Variants in TRIM44 observed in about 807,000 individuals in gnomAD.
TRIM44 encodes the protein tripartite motif-containing protein 44.
In TRIM44, 13 loss-of-function variants were observed where a neutral mutation model predicts 37.4. The ratio of observed to expected loss-of-function variants is 0.35; its 90% CI spans 0.23 to 0.55. The LOEUF (loss-of-function observed/expected upper bound fraction) is 0.55, where lower values mean the gene tolerates loss of function less well. Ranked by LOEUF, TRIM44 falls within the 20% of genes least tolerant of loss-of-function variation. The probability of loss-of-function intolerance (pLI) is 0.89; values close to 1 mark genes in which losing one functional copy is unlikely to be tolerated. For synonymous variants in TRIM44, 175 were observed against 157.2 expected (o/e 1.11, Z -0.85); for missense variants, 426 against 437.2 (o/e 0.97, Z 0.23).
chr11:35,740,119 A>G (rs868057864), intron 4 of TRIM44, among the ~76,000 whole-genome samples: 5 of 140,426 alleles, frequency 3.6e-5, no homozygotes, highest in Non-Finnish European at 7.7e-5. Context: ...AAAAAAAAAA[A>G]GGTACCTTTG....
chr11:35,754,370 T>A (rs1408477462), intron 4 of TRIM44, among the ~76,000 whole-genome samples: 1 of 152,174 alleles, frequency 6.6e-6, no homozygotes, highest in African/African-American at 2.4e-5. Context: ...CTGCTCACTC[T>A]AGTGCCCGAC....
At chr11:35,733,668 G>C (rs1016634279) in intron 3 of TRIM44, among the ~76,000 whole-genome samples, 3 of 152,066 alleles carry the variant, frequency 2.0e-5, no homozygotes, top group Non-Finnish European at 4.4e-5. Flanking sequence ...CAAATGGCTA[G>C]TTTGATTTAA....
At chr11:35,712,632 A>G (rs1851989037) in intron 2 of TRIM44, among the ~76,000 whole-genome samples, 1 of 152,126 alleles carries the variant, frequency 6.6e-6, no homozygotes, top group Admixed American at 6.5e-5. Context: ...ACACTTTGTG[A>G]TGTCTTCTTC....
intron 4 of TRIM44, among the ~76,000 whole-genome samples, chr11:35,781,406 G>C (rs957526623): frequency 3.9e-5 from 6 of 152,240 alleles, no homozygotes; most frequent in African/African-American, 1.4e-4. Context: ...CCAGAGACAA[G>C]CTGGCTTTGT....
intron 3 of TRIM44, among the ~76,000 whole-genome samples, chr11:35,728,799 C>T (rs1852217786): frequency 6.6e-6 from 1 of 152,114 alleles, no homozygotes; most frequent in South Asian, 2.1e-4. Context: ...GCCTATGTAC[C>T]TACCACCTAG....
intron 4 of TRIM44, among the ~76,000 whole-genome samples, chr11:35,782,188 C>T (rs1019155897): frequency 1.3e-5 from 2 of 152,014 alleles, no homozygotes; most frequent in African/African-American, 4.8e-5. Context: ...TGAAGTCCAG[C>T]GGGTGGGGGG....
At chr11:35,725,093 CACACACA>C (rs1852157031) in intron 2 of TRIM44, among the ~76,000 whole-genome samples, 3 of 151,866 alleles carry the variant, frequency 2.0e-5, no homozygotes, top group South Asian at 2.1e-4. Context: ...CACACACACA[CACACACA>C]CACACCCTCC....
chr11:35,772,149 G>C (rs1233917792), intron 4 of TRIM44, among the ~76,000 whole-genome samples: 1 of 152,244 alleles, frequency 6.6e-6, no homozygotes, highest in African/African-American at 2.4e-5. Context: ...TGTTGAGCCT[G>C]TGAGTGCACA....
At position 35,705,713 on chromosome 11, in the gene TRIM44, A is replaced by G. The variant is rs1307118765; in HGVS notation, c.748-20211A>G. Among the ~76,000 whole-genome samples the G allele has an allele frequency of 1.4e-5, 2 of 147,792 alleles. 1 individual carries two copies. The highest frequency in any genetic ancestry group is 3.0e-5 in the Non-Finnish European group (2 of 65,692). Reference sequence around the variant, plus strand: ...GAAATAAAGATGTTCTTTGAAACCAACGAGAACAAAGACACAACATACCAG... The same window carrying G: ...GAAATAAAGATGTTCTTTGAAACCAGCGAGAACAAAGACACAACATACCAG... On this transcript the variant is annotated intron_variant, in intron 2 of 4. Transcript: ENST00000299413.
At position 35,814,127 on chromosome 11, in the gene TRIM44, A is replaced by G. The variant is rs1853555737; in HGVS notation, c.*7742A>G. The G allele has an allele frequency of 6.6e-6, 1 of 152,248 alleles. No homozygotes were observed. The highest frequency in any genetic ancestry group is 1.5e-5 in the Non-Finnish European group (1 of 68,042). 9.4% of individuals were successfully genotyped at this position (152,248 alleles called of 1,614,324 possible). ...TTATTTTAGGCAATAGTCATTCAAC[A>G]AAATTGGAGCATAATAAAAAGAAAC... is the stretch of plus-strand genomic sequence containing the variant. On this transcript the variant is annotated 3_prime_UTR_variant, in exon 5 of 5. Coordinates refer to ENST00000299413, the MANE Select transcript of TRIM44 (RefSeq NM_017583.6).
intron 4 of TRIM44, among the ~76,000 whole-genome samples, chr11:35,737,492 G>A (rs928077663): frequency 6.6e-5 from 10 of 151,920 alleles, no homozygotes; most frequent in African/African-American, 2.4e-4. Context: ...GAGCAGCCTG[G>A]GCAACATTAT....
Position 35,777,299 on chromosome 11 carries a change from G to A in TRIM44, c.1008-29059G>A, listed in dbSNP as rs574424202. 2.2e-3 allele frequency among the ~76,000 whole-genome samples: 338 copies of A among 151,620 alleles called. 2 individuals are homozygous for A. Among genetic ancestry groups the A allele is most frequent in the African/African-American group, 6.6e-3 (275 of 41,370 alleles). ...CAACCCCTGCTTTTTTTTGTTTTCC[G>A]TTTGCTTAGTAGATCTTCCTCCATC... On this transcript the variant is annotated intron_variant, in intron 4 of 4. Coordinates refer to ENST00000299413, the MANE Select transcript of TRIM44 (RefSeq NM_017583.6).
At chr11:35,695,763 TTAACA>T (rs1214450349) in intron 2 of TRIM44, among the ~76,000 whole-genome samples, 6 of 152,198 alleles carry the variant, frequency 3.9e-5, no homozygotes, top group African/African-American at 7.2e-5. Flanking sequence ...CTACAATAAC[TTAACA>T]TAATAACCAC....
chr11:35,750,441 T>TCTA (rs1315344184), intron 4 of TRIM44, among the ~76,000 whole-genome samples: 1 of 152,224 alleles, frequency 6.6e-6, no homozygotes, highest in Non-Finnish European at 1.5e-5. Flanking sequence ...AGTTTGCTCT[T>TCTA]CTAAACTAGG....
intron 4 of TRIM44, among the ~76,000 whole-genome samples, chr11:35,738,580 T>C (rs1160946910): frequency 6.6e-6 from 1 of 152,254 alleles, no homozygotes; most frequent in African/African-American, 2.4e-5. Context: ...TTATTTGTAT[T>C]AAACTACCAT....
Position 35,726,171 on chromosome 11 carries a change from A to C in TRIM44, c.987+8A>C. On this transcript the variant is annotated splice_region_variant and intron_variant, in intron 3 of 4. Transcript: ENST00000299413. The stretch of plus-strand genomic sequence containing the variant: ...GCTGAGCCAAAGGCAGAGGTAAAGG[A>C]AAAGCCCATAATTATTAGTAGCAAG... The C allele has an allele frequency of 6.2e-7, 1 of 1,612,554 alleles. No homozygotes were observed. The highest frequency in any genetic ancestry group is 8.5e-7 in the Non-Finnish European group (1 of 1,179,058).
In TRIM44 at chr11:35,790,736, T is replaced by A. The variant is rs569619648; in HGVS notation, c.1008-15622T>A. ...CCTCCCAGGAGGGGCAGATTTCATA[T>A]AGTTCAGACCTGTTGACTGTATCAT... On this transcript the variant is annotated intron_variant, in intron 4 of 4. Transcript: ENST00000299413. 3.9e-5 allele frequency among the ~76,000 whole-genome samples: 6 copies of A among 152,306 alleles called. No individual in the cohort carries two copies. The South Asian group carries it at 1.2e-3, about 32-fold the overall frequency.
At chr11:35,788,883 C>T (rs1439765485) in intron 4 of TRIM44, among the ~76,000 whole-genome samples, 1 of 152,188 alleles carries the variant, frequency 6.6e-6, no homozygotes, top group Non-Finnish European at 1.5e-5. Flanking sequence ...TGAACATAAA[C>T]TAAGTTGTTC....
At chr11:35,763,193 C>T (rs1852751031) in intron 4 of TRIM44, among the ~76,000 whole-genome samples, 1 of 152,028 alleles carries the variant, frequency 6.6e-6, no homozygotes, top group South Asian at 2.1e-4. Context: ...CCATGCAATC[C>T]ACCCTAGTAG....
Sources: gnomAD v4.1 joint callset for allele counts (sites outside exome capture counted in the v4.1 genomes callset) on GRCh38, gnomAD v4.1.1 for gene constraint, MANE v1.5 for transcripts, NCBI Gene and HGNC (gene_info 2026-07-23, HGNC 2026-07-21) for gene names.